Variants in SORCS2 observed in about 807,000 individuals in gnomAD.
SORCS2 encodes VPS10 domain-containing receptor SorCS2.
SORCS2 carries 100 observed loss-of-function variants against 141.6 expected under a neutral mutation model. The ratio of observed to expected loss-of-function variants is 0.71; its 90% CI spans 0.60 to 0.83. The LOEUF (loss-of-function observed/expected upper bound fraction) is 0.83, where lower values mean the gene tolerates loss of function less well. SORCS2 is among the 40% of genes least tolerant of loss of function. SORCS2 has a pLI of 0.00. For missense variants in SORCS2, 1,646 were observed against 1,560.2 expected, an observed-to-expected ratio of 1.05 and a Z score of -0.93; for synonymous variants, 789 against 676.9, an observed-to-expected ratio of 1.17 and a Z score of -2.57.
At chr4:7,393,342 C>T (rs992281403) in intron 1 of SORCS2, among the ~76,000 whole-genome samples, 9 of 152,126 alleles carry the variant, frequency 5.9e-5, no homozygotes, top group South Asian at 2.1e-4. Context: ...AAGGCTAACA[C>T]GTCAGCCACT....
intron 1 of SORCS2, among the ~76,000 whole-genome samples, chr4:7,263,680 A>G (rs1447874573): frequency 6.6e-6 from 1 of 152,178 alleles, no homozygotes; most frequent in East Asian, 1.9e-4. Flanking sequence ...AGGGCTGTCC[A>G]GCAAGGCTGC....
At chr4:7,318,567 T>G (rs960677313) in intron 1 of SORCS2, among the ~76,000 whole-genome samples, 2 of 152,164 alleles carry the variant, frequency 1.3e-5, no homozygotes, top group Admixed American at 6.5e-5. Flanking sequence ...GATGGTAAAA[T>G]GTCTATCGCA....
intron 1 of SORCS2, among the ~76,000 whole-genome samples, chr4:7,317,551 C>G (rs1246095709): frequency 3.3e-5 from 5 of 152,210 alleles, no homozygotes; most frequent in Non-Finnish European, 7.3e-5. Context: ...TATCACAGCC[C>G]CCGCCTCCCT....
chr4:7,714,500 A>G, intron 16 of SORCS2, 127 bp downstream of exon 16: 3 of 1,027,976 alleles, frequency 2.9e-6, no homozygotes, highest in African/African-American at 1.6e-5. Context: ...TCACAGTCGC[A>G]CACTGCCACT....
At chr4:7,645,578 G>T (rs1377699196) in intron 4 of SORCS2, among the ~76,000 whole-genome samples, 1 of 152,170 alleles carries the variant, frequency 6.6e-6, no homozygotes, top group Admixed American at 6.5e-5. Context: ...CACAGCTGCT[G>T]CCAGGCTCTC....
At chr4:7,281,294 C>T (rs1434884007) in intron 1 of SORCS2, among the ~76,000 whole-genome samples, 1 of 152,070 alleles carries the variant, frequency 6.6e-6, no homozygotes, top group Non-Finnish European at 1.5e-5. Context: ...GACCATTTTG[C>T]CCATCTCCGC....
intron 26 of SORCS2, 111 bp downstream of exon 26, chr4:7,737,283 A>G: frequency 6.9e-7 from 1 of 1,445,972 alleles, no homozygotes; most frequent in Non-Finnish European, 9.2e-7. Context: ...GGCCAGCAAA[A>G]CGCTGGCCCA....
chr4:7,629,854 C>T (rs527704752), intron 3 of SORCS2, among the ~76,000 whole-genome samples: 11 of 152,224 alleles, frequency 7.2e-5, no homozygotes, highest in African/African-American at 2.6e-4. Flanking sequence ...CCTACTGCAT[C>T]CCCATCTCTG....
intron 3 of SORCS2, among the ~76,000 whole-genome samples, chr4:7,532,512 CTG>C (rs1476235907): frequency 9.8e-5 from 15 of 152,338 alleles, no homozygotes; most frequent in Admixed American, 2.6e-4. Context: ...AGCTTGGAGT[CTG>C]TGAGAATGTC....
Position 7,667,162 on chromosome 4 carries a change from T to C in SORCS2, c.1110T>C (p.Tyr370=), listed in dbSNP as rs533340804. The change falls in exon 8 of 27, where the codon TAT becomes TAC. Residue 370 remains tyrosine, a synonymous_variant. Coordinates refer to ENST00000507866, the MANE Select transcript of SORCS2 (RefSeq NM_020777.3). ...ACCAGACAAAATACTACGTCTCTTA[T>C]CGTCGAAATGAATTTGTCCTGATGA... ...SANQTKYYVS[Y]RRNEFVLMKL... The C allele has an allele frequency of 8.7e-6, 14 of 1,613,868 alleles. No homozygotes were observed. The South Asian group carries it at 1.2e-4, about 14-fold the overall frequency.
rs1722412158 is a variant in SORCS2, at chr4:7,664,965, A to G, written c.1071+494A>G. ...CAACCAATCCATCCAGCTTTTCTTC[A>G]CCTTCATGGATGGGGAGCTCAGCCC... On this transcript the variant is annotated intron_variant, in intron 7 of 26. Coordinates refer to ENST00000507866, the MANE Select transcript of SORCS2 (RefSeq NM_020777.3). The surrounding 1 kb of genome is among the most constrained non-coding windows in gnomAD (Gnocchi z 4.7). 6.6e-6 allele frequency among the ~76,000 whole-genome samples: 1 copy of G among 151,986 alleles called. No individual in the cohort carries two copies.
At chr4:7,314,324 TTTTTTTTA>T (rs1429290153) in intron 1 of SORCS2, among the ~76,000 whole-genome samples, 2 of 89,778 alleles carry the variant, frequency 2.2e-5, no homozygotes, top group Non-Finnish European at 4.9e-5. Flanking sequence ...AATCATGGCC[TTTTTTTTA>T]TTTTTTTTAT....
chr4:7,373,927 G>A (rs1374388787), intron 1 of SORCS2, among the ~76,000 whole-genome samples: 4 of 152,052 alleles, frequency 2.6e-5, no homozygotes, highest in Non-Finnish European at 2.9e-5. Flanking sequence ...TTTATCTATA[G>A]ATTAATATTT....
chr4:7,215,868 A>G (rs532585119), intron 1 of SORCS2, among the ~76,000 whole-genome samples: 1 of 152,210 alleles, frequency 6.6e-6, no homozygotes, highest in East Asian at 1.9e-4. Flanking sequence ...ACCAATCAGC[A>G]CCCTGTCAAA....
chr4:7,323,802 AC>A (rs1719059680), intron 1 of SORCS2, among the ~76,000 whole-genome samples: 1 of 151,682 alleles, frequency 6.6e-6, no homozygotes, highest in Admixed American at 6.6e-5. Context: ...TGGGAACAGA[AC>A]CCCCATCTCC....
At chr4:7,489,978 G>T (rs1416073650) in intron 2 of SORCS2, among the ~76,000 whole-genome samples, 1 of 152,218 alleles carries the variant, frequency 6.6e-6, no homozygotes, top group Non-Finnish European at 1.5e-5. Context: ...TAGGTGGAGG[G>T]TTGGAACAGG....
chr4:7,508,717 C>T (rs2109454235), intron 2 of SORCS2, among the ~76,000 whole-genome samples: 1 of 152,206 alleles, frequency 6.6e-6, no homozygotes, highest in African/African-American at 2.4e-5. Context: ...ATTATATAAC[C>T]AGAAATAAAG....
At chr4:7,434,442 G>C (rs772157055) in intron 2 of SORCS2, 1 of 1,610,182 alleles carries the variant, frequency 6.2e-7, no homozygotes, top group Non-Finnish European at 8.5e-7. Context: ...GGGTGGCCAG[G>C]TGCCTCTGCA....
intron 2 of SORCS2, among the ~76,000 whole-genome samples, chr4:7,474,857 C>T (rs1362270455): frequency 6.6e-6 from 1 of 152,158 alleles, no homozygotes; most frequent in Non-Finnish European, 1.5e-5. Flanking sequence ...GGGCCAGGCT[C>T]CCTCTATGGG....
Sources: allele counts gnomAD v4.1 joint callset (sites outside exome capture counted in the v4.1 genomes callset), GRCh38; gene constraint gnomAD v4.1.1; non-coding constraint Gnocchi (gnomAD v3.1); transcripts MANE v1.5; gene names NCBI Gene and HGNC (gene_info 2026-07-23, HGNC 2026-07-21).